The following MAF variants were observed in gnomAD, a reference collection of about 807,000 sequenced individuals.
MAF encodes transcription factor Maf.
A neutral mutation model predicts 22.0 loss-of-function variants in MAF; 10 were observed. The observed-to-expected ratio is 0.45, with a 90% CI of 0.28 to 0.77. MAF has a LOEUF of 0.77. MAF is among the 30% of genes least tolerant of loss of function. The pLI, the probability that MAF is intolerant of heterozygous loss-of-function variation, is 0.12. For synonymous variants in MAF, 337 were observed against 255.8 expected, an observed-to-expected ratio of 1.32 and a Z score of -3.03; for missense variants, 544 against 548.4, an observed-to-expected ratio of 0.99 and a Z score of 0.08.
At chr16:79,416,499 C>CAAAAAA in the MAF span, among the ~76,000 whole-genome samples, 230 of 140,030 alleles carry the variant, frequency 1.6e-3, no homozygotes, top group African/African-American at 5.8e-3. Flanking sequence ...GGTTAAATTG[C>CAAAAAA]AAAAAAAAAA....
At chr16:79,367,000 C>G in the MAF span, among the ~76,000 whole-genome samples, 14 of 152,114 alleles carry the variant, frequency 9.2e-5, no homozygotes, top group Non-Finnish European at 1.6e-4. Flanking sequence ...CTCCTAACTC[C>G]TCATGAAAAT....
At chr16:79,393,074 C>T in the MAF span, among the ~76,000 whole-genome samples, 1 of 152,200 alleles carries the variant, frequency 6.6e-6, no homozygotes, top group Non-Finnish European at 1.5e-5. Flanking sequence ...AAAACATTCC[C>T]TTTGCTCCCG....
At chr16:79,249,418 CAAAAA>C in the MAF span, among the ~76,000 whole-genome samples, 3 of 102,476 alleles carry the variant, frequency 2.9e-5, no homozygotes, top group Non-Finnish European at 1.9e-5. Flanking sequence ...AACTCCGTTT[CAAAAA>C]AAAAAAAAAA....
the MAF span, among the ~76,000 whole-genome samples, chr16:79,358,092 C>T: frequency 6.6e-6 from 1 of 152,238 alleles, no homozygotes; most frequent in African/African-American, 2.4e-5. Flanking sequence ...TTCCCAGGCA[C>T]AGTCACGGCA....
the MAF span, among the ~76,000 whole-genome samples, chr16:79,452,672 A>T: frequency 6.6e-6 from 1 of 152,060 alleles, no homozygotes; most frequent in Non-Finnish European, 1.5e-5. Context: ...CCTAGATTCC[A>T]TTTCTCAGCT....
At chr16:79,234,554 T>A in the MAF span, among the ~76,000 whole-genome samples, 1 of 152,086 alleles carries the variant, frequency 6.6e-6, no homozygotes, top group Non-Finnish European at 1.5e-5. Context: ...GTTAGATTCA[T>A]CTATAAAAGC....
the MAF span, among the ~76,000 whole-genome samples, chr16:79,278,264 G>T: frequency 2.6e-4 from 40 of 152,212 alleles, no homozygotes; most frequent in Non-Finnish European, 4.8e-4. Context: ...AGGGGAAAGT[G>T]AATCTTTAGC....
At chr16:79,380,965 T>C in the MAF span, among the ~76,000 whole-genome samples, 1 of 152,252 alleles carries the variant, frequency 6.6e-6, no homozygotes, top group Admixed American at 6.5e-5. Context: ...TATCTGGGAA[T>C]GAAGTCTCTC....
the MAF span, among the ~76,000 whole-genome samples, chr16:79,523,017 G>A: frequency 3.3e-5 from 5 of 152,112 alleles, no homozygotes; most frequent in African/African-American, 1.2e-4. Context: ...ACAATTTTGA[G>A]GATTTACTTC....
Position 79,599,342 on chromosome 16 carries a change from G to T in MAF, c.561C>A (p.His187Gln). 5.3e-6 allele frequency: 5 copies of T among 951,908 alleles called. No individual in the cohort carries two copies. The highest frequency in any genetic ancestry group is 6.2e-6 in the Non-Finnish European group (5 of 800,614). The allele number at this position is 951,908 out of a possible 1,614,324, so 59.0% of individuals were successfully genotyped here. A position where few individuals can be genotyped will look rare whatever the true frequency, so the allele number is the denominator to read the frequency against. ...AGPHYHHHHH[H>Q]AAGHHHHPTA... ...TCGGGTGGTGGTGGTGGCCGGCGGC[G>T]TGGTGGTGGTGGTGGTGGTAGTGCG... The change falls in exon 1 of 2, where the codon CAC (histidine) becomes CAA (glutamine). Residue 187 changes from histidine (H) to glutamine (Q), a missense_variant. Coordinates refer to ENST00000326043, the MANE Select transcript of MAF (RefSeq NM_005360.5).
the MAF span, among the ~76,000 whole-genome samples, chr16:79,471,710 T>C: frequency 6.6e-6 from 1 of 152,160 alleles, no homozygotes; most frequent in African/African-American, 2.4e-5. Context: ...CCCAAACAAG[T>C]AAAAAAGCCC....
the MAF span, among the ~76,000 whole-genome samples, chr16:79,499,631 C>T: frequency 6.6e-6 from 1 of 152,146 alleles, no homozygotes; most frequent in Non-Finnish European, 1.5e-5. Flanking sequence ...CTTGTCCCTT[C>T]CCCCATATGA....
At chr16:79,590,116 C>T (rs1380646753), downstream of MAF, among the ~76,000 whole-genome samples, 1 of 152,158 alleles carries the variant, frequency 6.6e-6, no homozygotes, top group Non-Finnish European at 1.5e-5. Context: ...AGCCACCAGG[C>T]TCGGGCAGTG....
At chr16:79,313,584 T>G in the MAF span, among the ~76,000 whole-genome samples, 1 of 152,320 alleles carries the variant, frequency 6.6e-6, no homozygotes, top group Admixed American at 6.5e-5. Flanking sequence ...TGTCTCTGTC[T>G]TCCTTGGTGG....
chr16:79,582,214 G>T (rs1187863581), downstream of MAF, among the ~76,000 whole-genome samples: 1 of 152,118 alleles, frequency 6.6e-6, no homozygotes, highest in Non-Finnish European at 1.5e-5. Context: ...ATTTTTGGAT[G>T]GAGGAAATAA....
chr16:79,294,498 G>C, the MAF span, among the ~76,000 whole-genome samples: 1 of 152,106 alleles, frequency 6.6e-6, no homozygotes, highest in South Asian at 2.1e-4. Context: ...ATGCTCCCTA[G>C]TTCATGCCAC....
chr16:79,251,498 G>A, the MAF span, among the ~76,000 whole-genome samples: 1 of 151,960 alleles, frequency 6.6e-6, no homozygotes. Context: ...TGTATTTTTA[G>A]TAGAGACGGG....
chr16:79,467,078 C>G, the MAF span, among the ~76,000 whole-genome samples: 8 of 152,168 alleles, frequency 5.3e-5, no homozygotes, highest in Non-Finnish European at 1.0e-4. Flanking sequence ...ATCTTGTTGT[C>G]ACCCCTGTTT....
At chr16:79,507,769 A>G in the MAF span, among the ~76,000 whole-genome samples, 2 of 152,202 alleles carry the variant, frequency 1.3e-5, no homozygotes, top group Non-Finnish European at 2.9e-5. Context: ...AATCTCGTAA[A>G]TGAACTGATA....
Sources: gnomAD v4.1 joint callset for allele counts (sites outside exome capture counted in the v4.1 genomes callset) on GRCh38, gnomAD v4.1.1 for gene constraint, MANE v1.5 for transcripts, NCBI Gene and HGNC (gene_info 2026-07-23, HGNC 2026-07-21) for gene names.